The following MAP3K13 variants were observed in gnomAD, a reference collection of about 807,000 sequenced individuals.
MAP3K13 encodes the protein leucine zipper-bearing kinase.
A neutral mutation model predicts 104.0 loss-of-function variants in MAP3K13; 52 were observed. The ratio of observed to expected loss-of-function variants is 0.50; its 90% CI spans 0.40 to 0.63. The LOEUF is 0.63. Ranked by LOEUF, MAP3K13 falls within the 20% of genes least tolerant of loss-of-function variation. MAP3K13 has a pLI of 0.00. For synonymous variants in MAP3K13, 394 were observed against 442.2 expected (o/e 0.89, Z 1.37); for missense variants, 914 against 1,218.5 (o/e 0.75, Z 3.72).
chr3:185,399,978 T>C (rs1712696180), intron 1 of MAP3K13, among the ~76,000 whole-genome samples: 1 of 152,104 alleles, frequency 6.6e-6, no homozygotes, highest in Admixed American at 6.5e-5. Context: ...GTCTCCAAAG[T>C]GTTGCTCAGA....
intron 4 of MAP3K13, among the ~76,000 whole-genome samples, chr3:185,446,630 A>G (rs1715607830): frequency 6.6e-6 from 1 of 152,204 alleles, no homozygotes; most frequent in South Asian, 2.1e-4. Flanking sequence ...GACAAGTAAA[A>G]CAGGACTGGT....
chr3:185,457,378 G>C (rs1334697744), intron 7 of MAP3K13, among the ~76,000 whole-genome samples: 1 of 152,206 alleles, frequency 6.6e-6, no homozygotes, highest in Non-Finnish European at 1.5e-5. Context: ...AGAAACAGCA[G>C]AAGTTAGTCT....
At chr3:185,403,001 T>G (rs1324232721) in intron 1 of MAP3K13, among the ~76,000 whole-genome samples, 1 of 152,176 alleles carries the variant, frequency 6.6e-6, no homozygotes, top group Non-Finnish European at 1.5e-5. Context: ...AAAACCTCCC[T>G]ATTTCTCATA....
At chr3:185,283,946 G>C (rs1461743989) in intron 1 of MAP3K13, among the ~76,000 whole-genome samples, 5 of 145,476 alleles carry the variant, frequency 3.4e-5, no homozygotes, top group African/African-American at 1.3e-4. Context: ...CTGTCGCCAG[G>C]CTGAAGTACA....
intron 1 of MAP3K13, among the ~76,000 whole-genome samples, chr3:185,396,992 C>A (rs929248259): frequency 6.6e-6 from 1 of 152,060 alleles, no homozygotes; most frequent in African/African-American, 2.4e-5. Context: ...TTTTCTATAC[C>A]TAGAGGATGA....
chr3:185,473,416 C>T lies in MAP3K13; in HGVS notation c.2085C>T (p.Ser695=), dbSNP rs748784681. The T allele has an allele frequency of 6.2e-7, 1 of 1,614,202 alleles. No individual in the cohort carries two copies. The highest frequency in any genetic ancestry group is 8.5e-7 in the Non-Finnish European group (1 of 1,180,036). ...NHAQRQLPGS[S]PDLISTAMAA... Reference sequence around the variant, plus strand: ...CTCAGAGACAGCTGCCCGGCTCGAGCCCTGACCTCATCTCCACAGCCATGG... The same window carrying T: ...CTCAGAGACAGCTGCCCGGCTCGAGTCCTGACCTCATCTCCACAGCCATGG... Residue 695 remains serine (S), a synonymous_variant, in exon 11 of 14, where the codon AGC becomes AGT. Transcript: ENST00000265026. This position sits in a 1 kb window ranked among gnomAD's most constrained non-coding sequence, Gnocchi z 4.9.
intron 2 of MAP3K13, among the ~76,000 whole-genome samples, chr3:185,332,877 C>T (rs775424862): frequency 7.9e-5 from 12 of 152,138 alleles, no homozygotes; most frequent in Non-Finnish European, 2.9e-5. Flanking sequence ...TCTTTGAGGT[C>T]CTGCTTTCAG....
intron 2 of MAP3K13, among the ~76,000 whole-genome samples, chr3:185,294,992 C>T (rs1264923688): frequency 6.6e-6 from 1 of 152,140 alleles, no homozygotes; most frequent in Non-Finnish European, 1.5e-5. Context: ...ACTCCTCCCC[C>T]CTCTAATCTC....
chr3:185,367,940 A>G (rs1723967081), intron 1 of MAP3K13, among the ~76,000 whole-genome samples: 2 of 152,154 alleles, frequency 1.3e-5, no homozygotes, highest in African/African-American at 4.8e-5. Flanking sequence ...ACATTATTTT[A>G]TTAAAATATA....
At chr3:185,382,358 T>C (rs558049688) in intron 1 of MAP3K13, among the ~76,000 whole-genome samples, 1 of 152,306 alleles carries the variant, frequency 6.6e-6, no homozygotes, top group African/African-American at 2.4e-5. Context: ...CGGACCATGG[T>C]TGACCAAGGT....
intron 1 of MAP3K13, among the ~76,000 whole-genome samples, chr3:185,376,298 G>C (rs911969546): frequency 6.6e-6 from 1 of 152,152 alleles, no homozygotes; most frequent in Admixed American, 6.5e-5. Context: ...ATATGTGTCA[G>C]GTGTGAGGAA....
In MAP3K13 at chr3:185,488,166, GT is replaced by G. The variant is rs1370969701; in HGVS notation, c.*5711del. ...CCCAGTTACTTGCTTCTTAGACTCT[GT>G]GAGACTCATGTACCAAAACAATGTG... On this transcript the variant is annotated 3_prime_UTR_variant, in exon 14 of 14. Transcript: ENST00000265026. 1.3e-5 allele frequency: 2 copies of G among 152,184 alleles called. No homozygotes were observed. The highest frequency in any genetic ancestry group is 4.8e-5 in the African/African-American group (2 of 41,460). The allele number at this position is 152,184 out of a possible 1,614,324, so 9.4% of individuals were successfully genotyped here. A position where few individuals can be genotyped will look rare whatever the true frequency, so the allele number is the denominator to read the frequency against.
chr3:185,413,269 T>C (rs1713550755), intron 1 of MAP3K13, among the ~76,000 whole-genome samples: 1 of 152,178 alleles, frequency 6.6e-6, no homozygotes, highest in Non-Finnish European at 1.5e-5. Flanking sequence ...GGTTAATCCT[T>C]ACAACAGACC....
intron 3 of MAP3K13, among the ~76,000 whole-genome samples, chr3:185,437,954 CAG>C: frequency 6.6e-6 from 1 of 152,222 alleles, no homozygotes; most frequent in Non-Finnish European, 1.5e-5. Context: ...AATGGGATAA[CAG>C]AGGTTACTTC....
At position 185,409,774 on chromosome 3, in the gene MAP3K13, T is replaced by C. The variant is rs187039762; in HGVS notation, c.-85-18723T>C. ...GAATGGATAAAGAAAATGTGGTATA[T>C]GTACACAATTGAATACTATTCAGCC... On this transcript the variant is annotated intron_variant, in intron 1 of 13. Transcript: ENST00000265026. Among the ~76,000 whole-genome samples the C allele has an allele frequency of 2.8e-3, 433 of 152,362 alleles. 3 individuals carry two copies. The highest frequency in any genetic ancestry group is 9.9e-3 in the African/African-American group (411 of 41,582).
At chr3:185,372,319 C>T (rs1234258724) in intron 1 of MAP3K13, among the ~76,000 whole-genome samples, 3 of 152,186 alleles carry the variant, frequency 2.0e-5, no homozygotes, top group African/African-American at 4.8e-5. Context: ...CCCCTTCCTC[C>T]TCCTTTTTCT....
Position 185,473,262 on chromosome 3 carries a change from C to T in MAP3K13, c.1931C>T (p.Pro644Leu), listed in dbSNP as rs1717912181. Reference sequence around the variant, plus strand: ...TCTCTGCAGCAGCAATACCAGCAGCCCCCTCCTGCCATGTCCCAGAGTCAC... The same window carrying T: ...TCTCTGCAGCAGCAATACCAGCAGCTCCCTCCTGCCATGTCCCAGAGTCAC... ...HNSLQQQYQQ[P>L]PPAMSQSHHP... The change falls in exon 11 of 14, where the codon CCC becomes CTC. Residue 644 changes from proline to leucine, a missense_variant. Transcript: ENST00000265026. This position sits in a 1 kb window ranked among gnomAD's most constrained non-coding sequence, Gnocchi z 4.9. 1 of 1,614,090 alleles carries T rather than the reference C, an allele frequency of 6.2e-7. No homozygotes were observed. Among genetic ancestry groups the T allele is most frequent in the South Asian group, 1.1e-5 (1 of 91,088 alleles).
chr3:185,289,064 G>A (rs1720640196), intron 2 of MAP3K13, among the ~76,000 whole-genome samples: 1 of 152,152 alleles, frequency 6.6e-6, no homozygotes, highest in African/African-American at 2.4e-5. Context: ...AGATTGAGGG[G>A]ACTGGGAATT....
intron 1 of MAP3K13, among the ~76,000 whole-genome samples, chr3:185,381,572 C>G (rs937071409): frequency 6.6e-6 from 1 of 152,158 alleles, no homozygotes; most frequent in Admixed American, 6.5e-5. Flanking sequence ...CTATTGTAAA[C>G]AACTGTCCTT....
Sources: gnomAD v4.1 joint callset for allele counts (sites outside exome capture counted in the v4.1 genomes callset) on GRCh38, gnomAD v4.1.1 for gene constraint, Gnocchi (gnomAD v3.1) non-coding constraint, MANE v1.5 for transcripts, NCBI Gene and HGNC (gene_info 2026-07-23, HGNC 2026-07-21) for gene names.